Variants in LRRC3B observed in about 807,000 individuals in gnomAD.
LRRC3B encodes leucine-rich repeat-containing protein 3B.
A neutral mutation model predicts 12.8 loss-of-function variants in LRRC3B; 2 were observed. The ratio of observed to expected loss-of-function variants is 0.16; its 90% CI spans 0.06 to 0.49. The LOEUF (loss-of-function observed/expected upper bound fraction) is 0.49, where lower values mean the gene tolerates loss of function less well. LRRC3B is among the 20% of genes least tolerant of loss of function. The pLI, the probability that LRRC3B is intolerant of heterozygous loss-of-function variation, is 0.96. For missense variants in LRRC3B, 189 were observed against 319.4 expected (o/e 0.59, Z 3.11); for synonymous variants, 132 against 122.0 (o/e 1.08, Z -0.54).
intron 1 of LRRC3B, among the ~76,000 whole-genome samples, chr3:26,694,336 CT>C: frequency 6.6e-6 from 1 of 152,270 alleles, no homozygotes; most frequent in Admixed American, 6.5e-5. Flanking sequence ...TTAATAAATA[CT>C]TTACTGCAAC....
At chr3:26,692,711 T>TTAAC (rs1397275602) in intron 1 of LRRC3B, among the ~76,000 whole-genome samples, 1 of 152,226 alleles carries the variant, frequency 6.6e-6, no homozygotes, top group African/African-American at 2.4e-5. Context: ...TATAAATATA[T>TTAAC]TAACTTATTT....
intron 1 of LRRC3B, among the ~76,000 whole-genome samples, chr3:26,650,238 G>A (rs1309142049): frequency 6.6e-6 from 1 of 152,052 alleles, no homozygotes; most frequent in Non-Finnish European, 1.5e-5. Context: ...CAAAAGTAAG[G>A]TTATGTCCTT....
intron 1 of LRRC3B, among the ~76,000 whole-genome samples, chr3:26,680,362 A>C (rs1472921838): frequency 6.6e-6 from 1 of 152,224 alleles, no homozygotes; most frequent in Non-Finnish European, 1.5e-5. Context: ...TGTCTCATTA[A>C]TCTATTTAGG....
At chr3:26,690,464 G>T (rs1175286596) in intron 1 of LRRC3B, among the ~76,000 whole-genome samples, 3 of 152,296 alleles carry the variant, frequency 2.0e-5, no homozygotes, top group South Asian at 2.1e-4. Flanking sequence ...CAAGGAGACA[G>T]GGGAAGTCTT....
At chr3:26,671,009 A>ATTTTTTTTTT (rs1449921879) in intron 1 of LRRC3B, among the ~76,000 whole-genome samples, 3 of 113,414 alleles carry the variant, frequency 2.6e-5, no homozygotes, top group East Asian at 6.4e-4. Context: ...CTTCTCATGT[A>ATTTTTTTTTT]TCTTTTTTTT....
intron 1 of LRRC3B, among the ~76,000 whole-genome samples, chr3:26,650,116 C>T (rs73059332): frequency 1.1e-3 from 169 of 152,274 alleles, no homozygotes; most frequent in Middle Eastern, 6.8e-3. Context: ...AACTTAATTA[C>T]AAAAAACTTA....
intron 1 of LRRC3B, among the ~76,000 whole-genome samples, chr3:26,634,196 G>C (rs1299633626): frequency 2.0e-5 from 3 of 152,206 alleles, no homozygotes. Context: ...TTTTCTGCCA[G>C]ATGGCTATAT....
At chr3:26,689,237 T>C (rs1700144070) in intron 1 of LRRC3B, among the ~76,000 whole-genome samples, 1 of 152,126 alleles carries the variant, frequency 6.6e-6, no homozygotes, top group Non-Finnish European at 1.5e-5. Flanking sequence ...AGTGAAAAAT[T>C]TACTTAGTAC....
At chr3:26,709,102 T>G (rs779080604) in intron 1 of LRRC3B, among the ~76,000 whole-genome samples, 1 of 152,222 alleles carries the variant, frequency 6.6e-6, no homozygotes, top group Non-Finnish European at 1.5e-5. Context: ...CCATGAAATA[T>G]TGGTATTATT....
At chr3:26,659,050 A>G (rs1378863940) in intron 1 of LRRC3B, among the ~76,000 whole-genome samples, 1 of 152,208 alleles carries the variant, frequency 6.6e-6, no homozygotes, top group East Asian at 1.9e-4. Flanking sequence ...TTAACTTTAC[A>G]AATATATTCT....
intron 1 of LRRC3B, among the ~76,000 whole-genome samples, chr3:26,708,050 ATCT>A (rs943301362): frequency 4.6e-5 from 7 of 152,146 alleles, no homozygotes; most frequent in African/African-American, 1.4e-4. Flanking sequence ...GCTCACATTA[ATCT>A]TCTCTTCTGT....
chr3:26,699,400 G>A (rs1700398962), intron 1 of LRRC3B, among the ~76,000 whole-genome samples: 1 of 152,028 alleles, frequency 6.6e-6, no homozygotes, highest in East Asian at 1.9e-4. Context: ...TAGTCCTAGG[G>A]CAACTAAGGG....
At chr3:26,707,448 G>A (rs753007297) in intron 1 of LRRC3B, among the ~76,000 whole-genome samples, 1 of 151,974 alleles carries the variant, frequency 6.6e-6, no homozygotes, top group South Asian at 2.1e-4. Context: ...GCTTACTATT[G>A]TCTCTGCAAG....
chr3:26,673,209 A>ATTCT (rs1008459435), intron 1 of LRRC3B, among the ~76,000 whole-genome samples: 1 of 152,180 alleles, frequency 6.6e-6, no homozygotes, highest in Non-Finnish European at 1.5e-5. Context: ...TCTAGAAGTC[A>ATTCT]TTCTTTAAAA....
chr3:26,694,810 T>C (rs6788033), intron 1 of LRRC3B: 78,387 of 152,098 alleles, frequency 0.52, 23,054 homozygotes, highest in African/African-American at 0.79. Flanking sequence ...TCCTATCTTC[T>C]ATAGCACTTA....
intron 1 of LRRC3B, among the ~76,000 whole-genome samples, chr3:26,662,666 T>C (rs1699517393): frequency 1.3e-5 from 2 of 152,162 alleles, no homozygotes; most frequent in African/African-American, 4.8e-5. Context: ...GATTTGAGTA[T>C]GTAACAAAAT....
chr3:26,636,909 T>C (rs1305972254), intron 1 of LRRC3B, among the ~76,000 whole-genome samples: 1 of 107,586 alleles, frequency 9.3e-6, no homozygotes, highest in South Asian at 3.8e-4. Context: ...TCTCTTTCTC[T>C]CTTTCTCTCT....
intron 1 of LRRC3B, among the ~76,000 whole-genome samples, chr3:26,661,507 C>T (rs1699490537): frequency 6.6e-6 from 1 of 152,060 alleles, no homozygotes; most frequent in Non-Finnish European, 1.5e-5. Context: ...AATTGTATAT[C>T]TTCCCTTTAT....
intron 1 of LRRC3B, among the ~76,000 whole-genome samples, chr3:26,678,667 G>A (rs554002047): frequency 1.3e-5 from 2 of 152,258 alleles, no homozygotes; most frequent in Admixed American, 1.3e-4. Flanking sequence ...CTGAAAGAAG[G>A]ATTGGAAAAG....
Sources: gnomAD v4.1 joint callset for allele counts (sites outside exome capture counted in the v4.1 genomes callset) on GRCh38, gnomAD v4.1.1 for gene constraint, MANE v1.5 for transcripts, NCBI Gene and HGNC (gene_info 2026-07-23, HGNC 2026-07-21) for gene names.